The following CHODL variants were observed in gnomAD, a reference collection of about 807,000 sequenced individuals.
CHODL encodes chondrolectin.
Under a neutral mutation model 34.5 loss-of-function variants are expected in CHODL, and 29 were observed. The ratio of observed to expected loss-of-function variants is 0.84; its 90% CI spans 0.63 to 1.15. The LOEUF is 1.15. Ranked by LOEUF, CHODL falls within the 50% of genes most tolerant of loss-of-function variation. The probability of loss-of-function intolerance (pLI) is 0.00; values close to 1 mark genes in which losing one functional copy is unlikely to be tolerated. For synonymous variants in CHODL, 125 were observed against 116.1 expected (o/e 1.08, Z -0.49); for missense variants, 332 against 332.5 (o/e 1.00, Z 0.01).
At chr21:18,151,069 C>A (rs1019719983) in intron 2 of CHODL, among the ~76,000 whole-genome samples, 1 of 124,272 alleles carries the variant, frequency 8.0e-6, no homozygotes. Context: ...GGCGACAGAG[C>A]GAGACTCTGT....
chr21:18,028,121 A>G (rs571764470), intron 2 of CHODL: 1 of 152,234 alleles, frequency 6.6e-6, no homozygotes, highest in South Asian at 2.1e-4. Context: ...TTTAAATGTC[A>G]TCTCTTTGTT....
chr21:18,095,939 G>C (rs1282962773), intron 2 of CHODL, among the ~76,000 whole-genome samples: 1 of 152,188 alleles, frequency 6.6e-6, no homozygotes, highest in Non-Finnish European at 1.5e-5. Flanking sequence ...AACAGAATCT[G>C]ATAAAGTTTA....
At chr21:18,036,285 T>C (rs538502010) in intron 2 of CHODL, among the ~76,000 whole-genome samples, 1 of 152,182 alleles carries the variant, frequency 6.6e-6, no homozygotes, top group East Asian at 1.9e-4. Flanking sequence ...TTCTGGGGAA[T>C]ATTACCTGTA....
intron 2 of CHODL, among the ~76,000 whole-genome samples, chr21:18,183,169 C>T (rs186759483): frequency 1.3e-5 from 2 of 152,174 alleles, no homozygotes; most frequent in African/African-American, 2.4e-5. Flanking sequence ...CACTCTCCCC[C>T]ACATCTGTCA....
At chr21:17,945,976 A>G (rs1453704653) in intron 1 of CHODL, among the ~76,000 whole-genome samples, 1 of 152,228 alleles carries the variant, frequency 6.6e-6, no homozygotes, top group Non-Finnish European at 1.5e-5. Context: ...AAAAAAGTCA[A>G]CAAAGAGTAC....
At chr21:18,191,409 G>T (rs1233798129) in intron 2 of CHODL, among the ~76,000 whole-genome samples, 2 of 152,178 alleles carry the variant, frequency 1.3e-5, no homozygotes, top group Non-Finnish European at 2.9e-5. Flanking sequence ...TGAAACAGTT[G>T]CCAGGGCTCT....
rs56064943 is a variant in CHODL, at chr21:17,917,553, G to T, written c.-145+153G>T. On this transcript the variant is annotated intron_variant, in intron 1 of 6. Coordinates refer to the CHODL transcript ENST00000400127. ...GAAGGAGTGTACCAGACTCTGGAGG[G>T]GACACTTGGAAGAGATTCATGCCCT... Among the ~76,000 whole-genome samples, 632 of 151,592 alleles carry T rather than the reference G, an allele frequency of 4.2e-3. 4 individuals carry two copies. The highest frequency in any genetic ancestry group is 0.015 in the African/African-American group (616 of 41,282).
chr21:18,177,945 A>C (rs1288102150), intron 2 of CHODL, among the ~76,000 whole-genome samples: 2 of 152,136 alleles, frequency 1.3e-5, no homozygotes, highest in African/African-American at 2.4e-5. Context: ...CCAAATAAAA[A>C]TATCTATTTT....
At chr21:18,265,850 G>T in intron 5 of CHODL, 104 bp from the exon 6 acceptor site, 1 of 808,624 alleles carries the variant, frequency 1.2e-6, no homozygotes, top group African/African-American at 1.7e-5. Context: ...CTGAGAGGGG[G>T]AGTCTTTCAT....
At chr21:18,060,271 A>G (rs887956812) in intron 2 of CHODL, among the ~76,000 whole-genome samples, 1 of 152,008 alleles carries the variant, frequency 6.6e-6, no homozygotes, top group Non-Finnish European at 1.5e-5. Flanking sequence ...CCTGGGCAAC[A>G]TGGCAAAACC....
At chr21:18,032,236 A>G (rs1200119523) in intron 2 of CHODL, among the ~76,000 whole-genome samples, 2 of 152,106 alleles carry the variant, frequency 1.3e-5, no homozygotes, top group Non-Finnish European at 2.9e-5. Context: ...CAGAAAAATG[A>G]TAAGTGTATG....
chr21:17,983,646 A>C (rs946736896), intron 1 of CHODL, among the ~76,000 whole-genome samples: 25 of 152,304 alleles, frequency 1.6e-4, no homozygotes, highest in African/African-American at 5.8e-4. Context: ...TATTTCATAT[A>C]TTAAATGCAA....
chr21:18,140,208 G>C (rs372880567), intron 2 of CHODL, among the ~76,000 whole-genome samples: 1 of 152,152 alleles, frequency 6.6e-6, no homozygotes, highest in African/African-American at 2.4e-5. Context: ...TGAAAACGTG[G>C]ATAATTTGCT....
chr21:18,158,853 A>AAG (rs1176976690), intron 2 of CHODL, among the ~76,000 whole-genome samples: 5 of 151,534 alleles, frequency 3.3e-5, no homozygotes, highest in East Asian at 1.9e-4. Context: ...AAAAAAAAAA[A>AAG]AAGAAGAAGA....
At chr21:18,039,211 A>C (rs573117994) in intron 2 of CHODL, among the ~76,000 whole-genome samples, 5 of 151,864 alleles carry the variant, frequency 3.3e-5, no homozygotes, top group Admixed American at 3.3e-4. Flanking sequence ...AATCTGAGAG[A>C]TATATATCTG....
intron 1 of CHODL, among the ~76,000 whole-genome samples, chr21:18,249,100 T>TA (rs2074202421): frequency 1.6e-5 from 2 of 125,702 alleles, no homozygotes; most frequent in African/African-American, 6.5e-5. Context: ...AATATATATA[T>TA]ATAATAATAT....
chr21:18,167,375 T>C (rs1438536272), intron 2 of CHODL, among the ~76,000 whole-genome samples: 1 of 150,094 alleles, frequency 6.7e-6, no homozygotes, highest in African/African-American at 2.5e-5. Context: ...AGTGGTGTGA[T>C]CTCAGCTCAC....
At chr21:18,083,231 A>T (rs1195691508) in intron 2 of CHODL, among the ~76,000 whole-genome samples, 3 of 152,220 alleles carry the variant, frequency 2.0e-5, no homozygotes, top group South Asian at 2.1e-4. Context: ...GGCAGCTTCC[A>T]TGTGGTGTTG....
At chr21:18,242,031 G>T (rs555215314), upstream of CHODL, among the ~76,000 whole-genome samples, 41 of 151,154 alleles carry the variant, frequency 2.7e-4, no homozygotes, top group African/African-American at 9.0e-4. Flanking sequence ...CCCTTAACTT[G>T]TGGGGGACCT....
Sources: gnomAD v4.1 joint callset for allele counts (sites outside exome capture counted in the v4.1 genomes callset) on GRCh38, gnomAD v4.1.1 for gene constraint, MANE v1.5 for transcripts, NCBI Gene and HGNC (gene_info 2026-07-23, HGNC 2026-07-21) for gene names.